RP1: variants seen among roughly 807,000 people sequenced by gnomAD.
The protein encoded by RP1 is RP1 axonemal microtubule associated.
RP1 carries 16 observed loss-of-function variants against 14.8 expected under a neutral mutation model. The observed-to-expected ratio is 1.08, with a 90% CI of 0.73 to 1.65. The LOEUF (loss-of-function observed/expected upper bound fraction) is 1.65. Ranked by LOEUF, RP1 falls within the 40% of genes most tolerant of loss-of-function variation. The pLI is 0.00. For synonymous variants in RP1, 876 were observed against 883.6 expected, an observed-to-expected ratio of 0.99 and a Z score of 0.15; for missense variants, 2,631 against 2,535.0, an observed-to-expected ratio of 1.04 and a Z score of -0.81.
At chr8:54,570,900 G>A (rs1057373277) in intron 1 of RP1, among the ~76,000 whole-genome samples, 1 of 152,204 alleles carries the variant, frequency 6.6e-6, no homozygotes, top group Non-Finnish European at 1.5e-5. Context: ...CCGTGAGTCT[G>A]GAAGTGTAGG....
chr8:54,853,818 G>GA (rs1812117136), intron 26 of RP1, among the ~76,000 whole-genome samples: 2 of 130,852 alleles, frequency 1.5e-5, no homozygotes, highest in African/African-American at 6.1e-5. Flanking sequence ...GAGAAAGGAA[G>GA]GAAGAGAAAC....
At chr8:54,734,595 T>A (rs1808871859) in exon 18 of RP1, 2 of 1,535,420 alleles carry the variant, frequency 1.3e-6, no homozygotes, top group Non-Finnish European at 1.7e-6. Context: ...AGAAGATGAA[T>A]GGAAGGTGTT....
intron 24 of RP1, among the ~76,000 whole-genome samples, chr8:54,825,616 C>G (rs1585724858): frequency 6.6e-6 from 1 of 152,234 alleles, no homozygotes; most frequent in Non-Finnish European, 1.5e-5. Flanking sequence ...ACATGTCTAT[C>G]AGACCCTGCT....
intron 1 of RP1, among the ~76,000 whole-genome samples, chr8:54,566,059 G>C (rs1280461685): frequency 6.8e-6 from 1 of 147,196 alleles, no homozygotes; most frequent in Admixed American, 6.9e-5. Flanking sequence ...TAAGGACACA[G>C]CCCAGCTGGA....
chr8:54,688,543 T>C (rs1235049140), intron 12 of RP1, among the ~76,000 whole-genome samples: 2 of 152,324 alleles, frequency 1.3e-5, no homozygotes, highest in East Asian at 1.9e-4. Flanking sequence ...CTAGCCAGTT[T>C]TCCCAGCACC....
chr8:54,625,443 A>G lies in RP1; in HGVS notation c.1561A>G (p.Asn521Asp). The G allele has an allele frequency of 6.2e-7, 1 of 1,614,032 alleles. No individual in the cohort carries two copies. The highest frequency in any genetic ancestry group is 8.5e-7 in the Non-Finnish European group (1 of 1,180,034). ...TAACAAACCAGTACTTGTTCAGATCAATAACAATGATCAAATGGAGGAGTC... is the reference window on the plus strand; with the variant it reads ...TAACAAACCAGTACTTGTTCAGATCGATAACAATGATCAAATGGAGGAGTC... ...VSNKPVLVQI[N>D]NNDQMEESSL... Residue 521 changes from asparagine to aspartate, a missense_variant, in exon 4 of 4, where the codon AAT becomes GAT. Asn to Asp is a conservative substitution (Grantham distance 23, BLOSUM62 1). Coordinates refer to ENST00000220676, the MANE Select transcript of RP1 (RefSeq NM_006269.2).
chr8:54,844,416 G>T (rs1053394925), intron 25 of RP1, among the ~76,000 whole-genome samples: 3 of 152,206 alleles, frequency 2.0e-5, no homozygotes, highest in African/African-American at 4.8e-5. Context: ...AAGATGTAAG[G>T]TCTCATGGAT....
intron 1 of RP1, among the ~76,000 whole-genome samples, chr8:54,605,432 A>G (rs554920969): frequency 6.6e-6 from 1 of 152,088 alleles, no homozygotes; most frequent in Non-Finnish European, 1.5e-5. Context: ...ATTCTTTTAC[A>G]TTTGCTGAGA....
intron 19 of RP1, among the ~76,000 whole-genome samples, chr8:54,740,334 C>T (rs1159458991): frequency 6.9e-6 from 1 of 144,972 alleles, no homozygotes; most frequent in Non-Finnish European, 1.5e-5. Context: ...ATGGGTGAAC[C>T]TGACATTGTG....
chr8:54,808,928 T>C (rs1810924703), intron 24 of RP1, among the ~76,000 whole-genome samples: 1 of 152,246 alleles, frequency 6.6e-6, no homozygotes, highest in African/African-American at 2.4e-5. Flanking sequence ...AACAACATTA[T>C]CTGTCCTATA....
At chr8:54,559,503 A>G (rs1185795982) in intron 1 of RP1, among the ~76,000 whole-genome samples, 1 of 152,152 alleles carries the variant, frequency 6.6e-6, no homozygotes, top group Non-Finnish European at 1.5e-5. Flanking sequence ...GGAAGGCCTG[A>G]GCTAAATAAC....
downstream of RP1, among the ~76,000 whole-genome samples, chr8:54,631,469 A>G (rs1158402885): frequency 1.3e-5 from 2 of 152,062 alleles, no homozygotes; most frequent in East Asian, 3.9e-4. Flanking sequence ...ACTGTGGTAC[A>G]CCTGCAGGCT....
Position 54,625,409 on chromosome 8 carries a change from A to C in RP1, c.1527A>C (p.Ser509=), listed in dbSNP as rs1554519455. Residue 509 remains serine (S), a synonymous_variant, in exon 4 of 4, where the codon TCA becomes TCC. Transcript: ENST00000220676. ...TTACACATTCTTGCAGTAAAATGTC[A>C]TCAGTATCTAACAAACCAGTACTTG... ...HMFTHSCSKM[S]SVSNKPVLVQ... The C allele has an allele frequency of 5.0e-6, 8 of 1,613,940 alleles. 1 individual carries two copies. In the South Asian group the frequency reaches 8.8e-5, roughly 18 times the overall value.
intron 1 of RP1, among the ~76,000 whole-genome samples, chr8:54,607,814 A>T (rs1369217143): frequency 4.6e-5 from 7 of 152,202 alleles, no homozygotes; most frequent in African/African-American, 1.7e-4. Context: ...GCAATGAGCG[A>T]GGCTCTGTGG....
intron 24 of RP1, among the ~76,000 whole-genome samples, chr8:54,792,895 A>C (rs2129385323): frequency 6.6e-6 from 1 of 152,032 alleles, no homozygotes; most frequent in East Asian, 1.9e-4. Flanking sequence ...AAGATCAATA[A>C]AACCAAAAAT....
chr8:54,811,895 T>C (rs1811005409), intron 24 of RP1, among the ~76,000 whole-genome samples: 1 of 152,230 alleles, frequency 6.6e-6, no homozygotes, highest in Admixed American at 6.5e-5. Flanking sequence ...AAGACTTGGT[T>C]TCTGGGTGTT....
exon 18 of RP1, chr8:54,734,711 G>A (rs1808876727): frequency 3.9e-6 from 6 of 1,534,348 alleles, no homozygotes; most frequent in South Asian, 1.2e-5. Context: ...GCTCAGAGCA[G>A]CTCTTCCTTC....
chr8:54,768,897 CTT>C (rs138672609), intron 22 of RP1, among the ~76,000 whole-genome samples: 45 of 138,624 alleles, frequency 3.2e-4, no homozygotes, highest in African/African-American at 5.4e-4. Flanking sequence ...TGGTTATATT[CTT>C]TTTTTTTTTT....
chr8:54,762,539 T>C (rs1380447750), intron 22 of RP1, among the ~76,000 whole-genome samples: 4 of 152,242 alleles, frequency 2.6e-5, no homozygotes, highest in Non-Finnish European at 2.9e-5. Context: ...CCATTTACAC[T>C]GGAGGTTTGG....
Sources: gnomAD v4.1 joint callset for allele counts (sites outside exome capture counted in the v4.1 genomes callset) on GRCh38, gnomAD v4.1.1 for gene constraint, MANE v1.5 for transcripts, NCBI Gene and HGNC (gene_info 2026-07-23, HGNC 2026-07-21) for gene names.